Variants in QNG1 observed in about 807,000 individuals in gnomAD.
QNG1 encodes the protein Q-nucleotide N-glycosylase 1.
the QNG1 span, among the ~76,000 whole-genome samples, chr9:83,940,636 T>G: frequency 2.0e-5 from 3 of 152,268 alleles, no homozygotes; most frequent in African/African-American, 7.2e-5. Context: ...TTTCCATATT[T>G]TTCTTATGAG....
chr9:83,953,251 A>T, the QNG1 span, among the ~76,000 whole-genome samples: 1 of 152,318 alleles, frequency 6.6e-6, no homozygotes, highest in East Asian at 1.9e-4. Context: ...TTTTTTAAAA[A>T]TTGAACTTTT....
the QNG1 span, among the ~76,000 whole-genome samples, chr9:83,940,281 T>C: frequency 6.6e-6 from 1 of 151,976 alleles, no homozygotes; most frequent in African/African-American, 2.4e-5. Flanking sequence ...GGTATGTGCC[T>C]GTAGTCCCAA....
At chr9:83,944,871 T>C in the QNG1 span, 6 of 1,613,970 alleles carry the variant, frequency 3.7e-6, no homozygotes, top group African/African-American at 8.0e-5. Flanking sequence ...TAATCTATAA[T>C]CAGCAAACAT....
At chr9:83,955,233 CT>C in the QNG1 span, 2 of 838,122 alleles carry the variant, frequency 2.4e-6, no homozygotes, top group Admixed American at 2.9e-5. Flanking sequence ...TAAGAAATGA[CT>C]TTGAAACACT....
chr9:83,943,276 G>T, the QNG1 span, among the ~76,000 whole-genome samples: 186 of 142,792 alleles, frequency 1.3e-3, no homozygotes, highest in African/African-American at 4.7e-3. Context: ...GGAGGCGGAG[G>T]TTCTGGTGAG....
At chr9:83,956,528 A>G in the QNG1 span, 1 of 1,505,616 alleles carries the variant, frequency 6.6e-7, no homozygotes, top group Non-Finnish European at 8.9e-7. Flanking sequence ...GGCGGGCCAA[A>G]CTCTTCCCGC....
the QNG1 span, among the ~76,000 whole-genome samples, chr9:83,940,596 G>A: frequency 7.9e-5 from 12 of 152,190 alleles, no homozygotes; most frequent in Admixed American, 7.2e-4. Context: ...GCGAGGTAGT[G>A]TACATAGTAC....
At chr9:83,939,835 G>A in the QNG1 span, 1 of 818,580 alleles carries the variant, frequency 1.2e-6, no homozygotes, top group South Asian at 1.6e-5. Flanking sequence ...GTATTTAAAT[G>A]GTACTCATTT....
chr9:83,955,365 A>C, the QNG1 span: 73 of 1,608,146 alleles, frequency 4.5e-5, no homozygotes, highest in African/African-American at 8.7e-4. Flanking sequence ...TAAAATCCCC[A>C]ACAGAAGCAA....
chr9:83,952,574 C>T, the QNG1 span, among the ~76,000 whole-genome samples: 1 of 151,922 alleles, frequency 6.6e-6, no homozygotes, highest in Non-Finnish European at 1.5e-5. Flanking sequence ...GCGGGCGGAT[C>T]ACCAGGTCAG....
At chr9:83,948,464 G>A in the QNG1 span, among the ~76,000 whole-genome samples, 7 of 139,990 alleles carry the variant, frequency 5.0e-5, no homozygotes, top group South Asian at 4.5e-4. Context: ...CCGCCCCGTC[G>A]GGGAGGGAGG....
chr9:83,938,496 CTCTT>C, the QNG1 span: 1 of 152,086 alleles, frequency 6.6e-6, no homozygotes, highest in Admixed American at 6.6e-5. Flanking sequence ...AAAAACCTCT[CTCTT>C]TTTTATACCA....
the QNG1 span, among the ~76,000 whole-genome samples, chr9:83,954,203 T>C: frequency 5.3e-5 from 8 of 152,132 alleles, no homozygotes; most frequent in Non-Finnish European, 4.4e-5. Flanking sequence ...CAGAAATACT[T>C]TTTATTAGGG....
At chr9:83,948,056 C>G in the QNG1 span, among the ~76,000 whole-genome samples, 1 of 150,904 alleles carries the variant, frequency 6.6e-6, no homozygotes, top group East Asian at 2.0e-4. Flanking sequence ...GCCATCCCAT[C>G]TAAGAAGTGA....
the QNG1 span, among the ~76,000 whole-genome samples, chr9:83,948,534 G>A: frequency 6.6e-6 from 1 of 151,286 alleles, no homozygotes; most frequent in Non-Finnish European, 1.5e-5. Flanking sequence ...CCTCTGCCTG[G>A]CCGCCCCGTC....
chr9:83,946,981 G>A, the QNG1 span, among the ~76,000 whole-genome samples: 2 of 152,074 alleles, frequency 1.3e-5, no homozygotes, highest in African/African-American at 2.4e-5. Context: ...TGAGGCAGGG[G>A]GTTTGCTTGA....
chr9:83,947,593 C>T, the QNG1 span, among the ~76,000 whole-genome samples: 3 of 152,232 alleles, frequency 2.0e-5, no homozygotes, highest in Non-Finnish European at 2.9e-5. Flanking sequence ...GCCGCCATCT[C>T]GGCTCACTGC....
At chr9:83,951,044 G>A in the QNG1 span, among the ~76,000 whole-genome samples, 1 of 152,092 alleles carries the variant, frequency 6.6e-6, no homozygotes, top group East Asian at 1.9e-4. Flanking sequence ...GGCCGAGGTG[G>A]GCAGATCACC....
the QNG1 span, among the ~76,000 whole-genome samples, chr9:83,943,331 CAAAAAAAAAAAAAAAAAA>C: frequency 1.6e-5 from 1 of 62,550 alleles, no homozygotes; most frequent in Non-Finnish European, 3.5e-5. Flanking sequence ...CAGAGCGTCT[CAAAAAAAAAAAAAAAAAA>C]AAAAAAAAAG....
Sources: allele counts gnomAD v4.1 joint callset (sites outside exome capture counted in the v4.1 genomes callset), GRCh38; gene constraint gnomAD v4.1.1; transcripts MANE v1.5; gene names NCBI Gene and HGNC (gene_info 2026-07-23, HGNC 2026-07-21).